The following TENM2 variants were observed in gnomAD, a reference collection of about 807,000 sequenced individuals.
TENM2 encodes teneurin transmembrane protein 2, also known as teneurin-2.
Under a neutral mutation model 245.2 loss-of-function variants are expected in TENM2, and 52 were observed. The ratio of observed to expected loss-of-function variants is 0.21; its 90% CI spans 0.17 to 0.27. The LOEUF (loss-of-function observed/expected upper bound fraction) is 0.27. Ranked by LOEUF, TENM2 falls within the 10% of genes least tolerant of loss-of-function variation. The pLI is 1.00. For missense variants in TENM2, 3,046 were observed against 3,666.8 expected (o/e 0.83, Z 4.37); for synonymous variants, 1,363 against 1,438.9 (o/e 0.95, Z 1.19).
intron 10 of TENM2, among the ~76,000 whole-genome samples, chr5:168,120,081 C>T (rs886241550): frequency 1.3e-5 from 2 of 152,164 alleles, no homozygotes; most frequent in Non-Finnish European, 2.9e-5. Flanking sequence ...CATAGGGTTC[C>T]CTTGTGAAAC....
At chr5:167,044,065 G>A in the TENM2 span, among the ~76,000 whole-genome samples, 1 of 151,880 alleles carries the variant, frequency 6.6e-6, no homozygotes, top group Admixed American at 6.6e-5. Flanking sequence ...AGGAAGGAAG[G>A]AAGGAAGGAA....
chr5:167,703,157 G>A (rs1054445686), intron 2 of TENM2, among the ~76,000 whole-genome samples: 5 of 152,006 alleles, frequency 3.3e-5, no homozygotes, highest in Non-Finnish European at 5.9e-5. Flanking sequence ...CAATTGCCTC[G>A]GCTACAACTA....
intron 2 of TENM2, chr5:167,755,317 G>A: frequency 1.5e-6 from 1 of 645,628 alleles, no homozygotes; most frequent in South Asian, 2.5e-5. Context: ...ACTTGACGGT[G>A]AAACTATTTG....
the TENM2 span, among the ~76,000 whole-genome samples, chr5:167,099,494 G>C: frequency 1.3e-5 from 2 of 152,060 alleles, no homozygotes; most frequent in African/African-American, 4.8e-5. Context: ...TTGGGAGTTC[G>C]AGACCAGCCT....
chr5:168,195,551 C>CGTGTGTGTGT (rs35040257), intron 15 of TENM2, among the ~76,000 whole-genome samples: 12 of 98,234 alleles, frequency 1.2e-4, no homozygotes, highest in Non-Finnish European at 1.5e-4. Context: ...GGTCAATGCA[C>CGTGTGTGTGT]GTGTGTGTGT....
At chr5:167,538,488 C>T (rs979613151) in intron 2 of TENM2, among the ~76,000 whole-genome samples, 2 of 152,172 alleles carry the variant, frequency 1.3e-5, no homozygotes, top group African/African-American at 2.4e-5. Context: ...TAATTAAAAG[C>T]TGTCTAGTTT....
the TENM2 span, among the ~76,000 whole-genome samples, chr5:167,218,428 C>G: frequency 4.6e-5 from 7 of 152,018 alleles, no homozygotes; most frequent in Non-Finnish European, 1.0e-4. Context: ...TAGGTAGGCT[C>G]AAAAAGTTTT....
intron 22 of TENM2, 126 bp downstream of exon 24, chr5:168,217,048 G>C: frequency 9.2e-7 from 1 of 1,089,406 alleles, no homozygotes; most frequent in Non-Finnish European, 1.3e-6. Context: ...TCACGGGGTT[G>C]TTTGGAGAAA....
intron 21 of TENM2, among the ~76,000 whole-genome samples, chr5:168,215,798 A>C (rs1218274278): frequency 6.6e-6 from 1 of 152,234 alleles, no homozygotes; most frequent in Non-Finnish European, 1.5e-5. Context: ...AATCAGAGGA[A>C]ATCCTGGCTC....
intron 1 of TENM2, among the ~76,000 whole-genome samples, chr5:167,320,293 A>G (rs185434029): frequency 6.6e-6 from 1 of 152,360 alleles, no homozygotes; most frequent in East Asian, 1.9e-4. Flanking sequence ...ACAGATAAAA[A>G]TTAATACAAT....
At chr5:167,479,126 G>T (rs1184836958) in intron 2 of TENM2, among the ~76,000 whole-genome samples, 3 of 152,100 alleles carry the variant, frequency 2.0e-5, no homozygotes, top group Non-Finnish European at 4.4e-5. Flanking sequence ...TATATTAGTT[G>T]TCCAAGGACA....
At chr5:167,691,730 TG>T (rs1354105504) in intron 2 of TENM2, among the ~76,000 whole-genome samples, 1 of 152,146 alleles carries the variant, frequency 6.6e-6, no homozygotes, top group Non-Finnish European at 1.5e-5. Context: ...AGAGACGCTG[TG>T]GCTCCTGGTG....
Position 168,063,499 on chromosome 5 carries a change from G to A in TENM2, c.1515+1234G>A, listed in dbSNP as rs1014432745. Among the ~76,000 whole-genome samples, 5 of 152,078 alleles carry A rather than the reference G, an allele frequency of 3.3e-5. No homozygotes were observed. In the East Asian group the frequency reaches 9.7e-4, roughly 29 times the overall value. ...CCTTGTATGCCCTCAAATCCAGGAAGAACATAAGGTACATTAGGAAAAAAC... is the reference window on the plus strand; with the variant it reads ...CCTTGTATGCCCTCAAATCCAGGAAAAACATAAGGTACATTAGGAAAAAAC... On this transcript the variant is annotated intron_variant, in intron 7 of 28. Transcript: ENST00000518659.
At chr5:167,897,692 C>T (rs1408001771) in intron 3 of TENM2, among the ~76,000 whole-genome samples, 1 of 152,148 alleles carries the variant, frequency 6.6e-6, no homozygotes, top group African/African-American at 2.4e-5. Flanking sequence ...TCATTGGCAC[C>T]CACAGTCTTT....
At chr5:167,887,585 G>A (rs559002809) in intron 3 of TENM2, among the ~76,000 whole-genome samples, 1 of 152,186 alleles carries the variant, frequency 6.6e-6, no homozygotes, top group Non-Finnish European at 1.5e-5. Context: ...GTCTTCCTTG[G>A]GAAGGACAGA....
chr5:167,258,203 A>ATATATG, the TENM2 span, among the ~76,000 whole-genome samples: 1 of 141,908 alleles, frequency 7.0e-6, no homozygotes, highest in African/African-American at 2.7e-5. Flanking sequence ...GTTGCCATAT[A>ATATATG]TATATATATA....
chr5:168,139,551 T>G lies in TENM2; in HGVS notation c.2422+12585T>G, dbSNP rs1299229962. 7 of 456,312 alleles carry G rather than the reference T, an allele frequency of 1.5e-5. No individual in the cohort carries two copies. The Admixed American group carries it at 1.6e-4, about 11-fold the overall frequency. 28.3% of individuals were successfully genotyped at this position (456,312 alleles called of 1,614,324 possible). On this transcript the variant is annotated intron_variant, in intron 12 of 28. Transcript: ENST00000518659. ...CCCATTTCCCCTTGGTAGGAGGTGGTTGGGCAGGCCTTTCCTCTGTGAGGG... is the reference window on the plus strand; with the variant it reads ...CCCATTTCCCCTTGGTAGGAGGTGGGTGGGCAGGCCTTTCCTCTGTGAGGG...
chr5:168,216,155 G>A (rs1581657646), intron 21 of TENM2, among the ~76,000 whole-genome samples: 1 of 152,118 alleles, frequency 6.6e-6, no homozygotes, highest in African/African-American at 2.4e-5. Context: ...CTTGTACTTG[G>A]GCACTGGGGC....
the TENM2 span, among the ~76,000 whole-genome samples, chr5:167,129,588 T>C: frequency 2.6e-5 from 4 of 152,320 alleles, no homozygotes; most frequent in Middle Eastern, 6.8e-3. Flanking sequence ...ATCTTGCACT[T>C]AAGCATTCTA....
Sources: allele counts gnomAD v4.1 joint callset (sites outside exome capture counted in the v4.1 genomes callset), GRCh38; gene constraint gnomAD v4.1.1; transcripts MANE v1.5; gene names NCBI Gene and HGNC (gene_info 2026-07-23, HGNC 2026-07-21).